The following SAE1 variants were observed in gnomAD, a reference collection of about 807,000 sequenced individuals.
SAE1 encodes the protein SUMO1 activating enzyme subunit 1.
Under a neutral mutation model 40.6 loss-of-function variants are expected in SAE1, and 11 were observed. The observed-to-expected ratio is 0.27, with a 90% confidence interval of 0.17 to 0.45. The LOEUF is 0.45. SAE1 is among the 20% of genes least tolerant of loss of function. The pLI is 1.00. For synonymous variants in SAE1, 155 were observed against 154.3 expected (o/e 1.00, Z -0.03); for missense variants, 373 against 427.3 (o/e 0.87, Z 1.12).
At chr19:47,171,123 T>A (rs1026695679) in intron 6 of SAE1, among the ~76,000 whole-genome samples, 4 of 145,358 alleles carry the variant, frequency 2.8e-5, no homozygotes, top group African/African-American at 1.0e-4. Flanking sequence ...TGCAGGCGCG[T>A]GCCACCACAC....
chr19:47,190,321 T>G (rs777387596), intron 6 of SAE1, among the ~76,000 whole-genome samples: 5 of 151,860 alleles, frequency 3.3e-5, no homozygotes, highest in Admixed American at 6.6e-5. Context: ...GGAGGTGCTC[T>G]TCAGAAATGC....
In SAE1 at chr19:47,130,909, T is replaced by TGA. The variant is rs753290677; in HGVS notation, c.-20_-19dup. 6.5e-7 allele frequency: 1 copy of TGA among 1,548,724 alleles called. No homozygotes were observed. The highest frequency in any genetic ancestry group is 1.2e-5 in the South Asian group (1 of 83,946). ...CGGTTGGCTTGAGCGGGACCGGAGC[T>TGA]GAGGCAGGAAGAGCCGGCGCCATGG... On this transcript the variant is annotated 5_prime_UTR_variant, in exon 1 of 9. Coordinates refer to ENST00000270225, the MANE Select transcript of SAE1 (RefSeq NM_005500.3).
chr19:47,137,529 C>T (rs1185754000), intron 1 of SAE1, among the ~76,000 whole-genome samples: 1 of 152,120 alleles, frequency 6.6e-6, no homozygotes, highest in Non-Finnish European at 1.5e-5. Context: ...CGCTCTGTTA[C>T]CCAGGCTGGA....
intron 6 of SAE1, among the ~76,000 whole-genome samples, chr19:47,182,496 T>TGTGTGTGTGCGCGCGCGCGC (rs143321323): frequency 6.9e-6 from 1 of 145,938 alleles, no homozygotes; most frequent in Admixed American, 6.9e-5. Context: ...TGTGTGTGTG[T>TGTGTGTGTGCGCGCGCGCGC]GCGCGCACGC....
At chr19:47,184,154 A>T (rs997411744) in intron 6 of SAE1, among the ~76,000 whole-genome samples, 3 of 152,176 alleles carry the variant, frequency 2.0e-5, no homozygotes, top group African/African-American at 7.2e-5. Context: ...CTAGTCTGAA[A>T]TGGTGGTTTG....
intron 2 of SAE1, among the ~76,000 whole-genome samples, chr19:47,148,863 C>T (rs1046030877): frequency 7.3e-5 from 11 of 149,678 alleles, no homozygotes; most frequent in Admixed American, 6.0e-4. Context: ...ATCTGCCTGC[C>T]TCGGCCTCCC....
Position 47,209,615 on chromosome 19 carries a change from G to A in SAE1, c.*364G>A, listed in dbSNP as rs1327957900. The A allele has an allele frequency of 8.7e-5, 27 of 311,190 alleles. No homozygotes were observed. Among genetic ancestry groups the A allele is most frequent in the African/African-American group, 2.1e-5 (1 of 46,566 alleles). 19.3% of individuals were successfully genotyped at this position (311,190 alleles called of 1,614,324 possible). On this transcript the variant is annotated 3_prime_UTR_variant, in exon 9 of 9. Transcript: ENST00000270225. ...TGTGGGAGATGCCTGCCAGGAATGA[G>A]CAAGCTCTGTTGCTCGGGAGCCTCT... is the stretch of plus-strand genomic sequence containing the variant.
rs377618600 is a variant in SAE1 at position 47,209,271 on chromosome 19, C to T, written c.*20C>T. 4.7e-5 allele frequency: 76 copies of T among 1,614,142 alleles called. No homozygotes were observed. The Admixed American group carries it at 8.3e-4, about 18-fold the overall frequency. ...AAGTGAACTCAAGATTTGGCAGCCC[C>T]AGAGATGCCAACTGCAGCATGCCCA... On this transcript the variant is annotated 3_prime_UTR_variant, in exon 9 of 9. Coordinates refer to ENST00000270225, the MANE Select transcript of SAE1 (RefSeq NM_005500.3).
intron 5 of SAE1, among the ~76,000 whole-genome samples, chr19:47,156,471 C>CT (rs943043984): frequency 2.2e-5 from 3 of 135,066 alleles, no homozygotes; most frequent in Non-Finnish European, 3.6e-5. Flanking sequence ...GAACGAGACT[C>CT]TGTCTCCAAA....
chr19:47,202,415 G>T (rs2058660566), intron 7 of SAE1, among the ~76,000 whole-genome samples: 1 of 151,820 alleles, frequency 6.6e-6, no homozygotes, highest in African/African-American at 2.4e-5. Flanking sequence ...AACCTCCTGA[G>T]TAGCTGGGAC....
At chr19:47,164,381 A>C (rs934274091) in intron 5 of SAE1, among the ~76,000 whole-genome samples, 1 of 151,578 alleles carries the variant, frequency 6.6e-6, no homozygotes, top group East Asian at 2.0e-4. Flanking sequence ...GTTAGCTAGG[A>C]TGGTCTCCAT....
At chr19:47,150,901 CT>C (rs1011284804) in intron 3 of SAE1, among the ~76,000 whole-genome samples, 4 of 152,168 alleles carry the variant, frequency 2.6e-5, no homozygotes, top group African/African-American at 7.2e-5. Context: ...AGAAAAATCA[CT>C]GTAGTCGTAA....
intron 8 of SAE1, among the ~76,000 whole-genome samples, chr19:47,208,767 G>T (rs752475414): frequency 6.6e-6 from 1 of 151,746 alleles, no homozygotes; most frequent in Non-Finnish European, 1.5e-5. Flanking sequence ...ATGTTGCACA[G>T]ACTGGTCTTG....
Position 47,208,654 on chromosome 19 carries a change from A to G in SAE1, c.949-505A>G, listed in dbSNP as rs533490507. On this transcript the variant is annotated intron_variant, in intron 8 of 8. Coordinates refer to ENST00000270225, the MANE Select transcript of SAE1 (RefSeq NM_005500.3). ...TGGCCAGGCTGGTCTCCAACTCCCA[A>G]CCTCAGGTGATCCGCCCACTTCAGC... Among the ~76,000 whole-genome samples the G allele has an allele frequency of 1.2e-4, 18 of 152,006 alleles. No homozygotes were observed. The South Asian group carries it at 1.2e-3, about 11-fold the overall frequency.
chr19:47,169,914 C>A lies in SAE1; in HGVS notation c.724C>A (p.Leu242Ile). ...ALKRTTSDYF[L>I]LQVLLKFRTD... ...GAAGCGCACGACCTCCGACTACTTT[C>A]TCCTTCAAGGTGAGGTCTCAAAGCA... is the stretch of plus-strand genomic sequence containing the variant. The change falls in exon 6 of 9, where the codon CTC (leucine) becomes ATC (isoleucine). Residue 242 changes from leucine to isoleucine, a missense_variant. Leu to Ile is a conservative substitution (Grantham distance 5). Transcript: ENST00000270225. 1 of 1,613,198 alleles carries A rather than the reference C, an allele frequency of 6.2e-7. No individual in the cohort carries two copies. Among genetic ancestry groups the A allele is most frequent in the Non-Finnish European group, 8.5e-7 (1 of 1,179,114 alleles).
chr19:47,159,762 C>T (rs1466037770), intron 5 of SAE1, among the ~76,000 whole-genome samples: 1 of 152,158 alleles, frequency 6.6e-6, no homozygotes, highest in Non-Finnish European at 1.5e-5. Context: ...GGCACAATCT[C>T]AGCTCACTGC....
At position 47,169,873 on chromosome 19, in the gene SAE1, A is replaced by G. The variant is rs149774540; in HGVS notation, c.683A>G (p.Lys228Arg). 524 of 1,614,174 alleles carry G rather than the reference A, an allele frequency of 3.2e-4. 2 individuals carry two copies. The African/African-American group carries it at 5.5e-3, about 17-fold the overall frequency. Residue 228 changes from lysine (K) to arginine (R), a missense_variant, in exon 6 of 9, where the codon AAA becomes AGA. By Grantham distance (26) the Lys-to-Arg change is conservative. This residue lies in a region of SAE1 where 351 missense variants were observed against 390.6 expected (regional missense o/e 0.90). Coordinates refer to ENST00000270225, the MANE Select transcript of SAE1 (RefSeq NM_005500.3). The stretch of plus-strand genomic sequence containing the variant: ...CTGGAGGTGGACTGGAGCAGTGAGA[A>G]AGCAAAGGCTGCTCTGAAGCGCACG... ...EALEVDWSSE[K>R]AKAALKRTTS...
At chr19:47,146,905 C>T (rs1201916613) in intron 2 of SAE1, among the ~76,000 whole-genome samples, 2 of 152,098 alleles carry the variant, frequency 1.3e-5, no homozygotes, top group Admixed American at 6.6e-5. Flanking sequence ...TGAGAGAAAA[C>T]GGCTGGTGGG....
rs551290075 is a variant in SAE1, at chr19:47,170,032, T to G, written c.733+109T>G. On this transcript the variant is annotated intron_variant, in intron 6 of 8. Transcript: ENST00000270225. ...GTGATGTTTGCCTTGGGTGGCATTC[T>G]TCATTGGCTAGTTCTCAGTGATCAC... is the stretch of plus-strand genomic sequence containing the variant. The G allele has an allele frequency of 3.4e-4, 266 of 782,132 alleles. 2 individuals are homozygous for G. The highest frequency in any genetic ancestry group is 1.7e-3 in the South Asian group (115 of 66,556). The allele number at this position is 782,132 out of a possible 1,614,324, so 48.4% of individuals were successfully genotyped here. A position where few individuals can be genotyped will look rare whatever the true frequency, so the allele number is the denominator to read the frequency against.
Sources: gnomAD v4.1 joint callset for allele counts (sites outside exome capture counted in the v4.1 genomes callset) on GRCh38, gnomAD v4.1.1 for gene constraint, gnomAD v4.1.1 regional missense constraint, MANE v1.5 for transcripts, NCBI Gene and HGNC (gene_info 2026-07-23, HGNC 2026-07-21) for gene names.